Variants in PTPRD observed in about 807,000 individuals in gnomAD.
The protein encoded by PTPRD is receptor-type tyrosine-protein phosphatase delta.
A neutral mutation model predicts 214.5 loss-of-function variants in PTPRD; 34 were observed. That is an observed-to-expected ratio of 0.16 (90% CI 0.12 to 0.21). The LOEUF is 0.21. Ranked by LOEUF, PTPRD falls within the 10% of genes least tolerant of loss-of-function variation. PTPRD has a pLI of 1.00. For missense variants in PTPRD, 2,545 were observed against 2,398.7 expected, an observed-to-expected ratio of 1.06 and a Z score of -1.27; for synonymous variants, 1,128 against 845.7, an observed-to-expected ratio of 1.33 and a Z score of -5.79.
chr9:10,446,010 A>G (rs1321213924), intron 2 of PTPRD, among the ~76,000 whole-genome samples: 1 of 152,080 alleles, frequency 6.6e-6, no homozygotes, highest in Non-Finnish European at 1.5e-5. Flanking sequence ...AGAGGGCAAG[A>G]TCAAAGATTC....
At chr9:10,001,465 A>T (rs2096312367) in intron 4 of PTPRD, among the ~76,000 whole-genome samples, 1 of 152,176 alleles carries the variant, frequency 6.6e-6, no homozygotes, top group African/African-American at 2.4e-5. Flanking sequence ...GAAACATCAT[A>T]GTCAAATTAT....
intron 11 of PTPRD, among the ~76,000 whole-genome samples, chr9:8,894,346 A>G (rs1206057411): frequency 1.7e-5 from 2 of 117,780 alleles, no homozygotes; most frequent in Admixed American, 2.1e-4. Context: ...CAAGAGTGAG[A>G]CTCCATCTCA....
intron 2 of PTPRD, among the ~76,000 whole-genome samples, chr9:10,531,040 C>T (rs1312929930): frequency 6.6e-6 from 1 of 152,024 alleles, no homozygotes; most frequent in Non-Finnish European, 1.5e-5. Flanking sequence ...ACCTCCACTT[C>T]CCAGGTTCAA....
chr9:8,342,113 T>G (rs2132545307), intron 39 of PTPRD, 135 bp from the exon 40 acceptor site: 1 of 912,160 alleles, frequency 1.1e-6, no homozygotes, highest in Non-Finnish European at 1.6e-6. Flanking sequence ...GGGATGACTT[T>G]GTAATACTCT....
At chr9:9,162,827 T>G (rs2099892925) in intron 10 of PTPRD, among the ~76,000 whole-genome samples, 2 of 152,138 alleles carry the variant, frequency 1.3e-5, no homozygotes, top group Admixed American at 1.3e-4. Flanking sequence ...ACATTATTAT[T>G]TTTCCTGCAA....
intron 43 of PTPRD, 75 bp downstream of exon 43, chr9:8,338,847 C>CAGAGAGAGAG (rs4008208): frequency 0.021 from 22,874 of 1,074,442 alleles, 204 homozygotes; most frequent in African/African-American, 0.051. Context: ...GTGCTTCTCC[C>CAGAGAGAGAG]AGAGAGAGAG....
At chr9:8,718,860 T>C (rs938822759) in intron 12 of PTPRD, among the ~76,000 whole-genome samples, 2 of 152,158 alleles carry the variant, frequency 1.3e-5, no homozygotes, top group Middle Eastern at 3.2e-3. Flanking sequence ...CGATGGAGCG[T>C]AGTGTTATTT....
At chr9:9,540,933 C>T (rs1430871334) in intron 8 of PTPRD, among the ~76,000 whole-genome samples, 1 of 151,684 alleles carries the variant, frequency 6.6e-6, no homozygotes, top group Non-Finnish European at 1.5e-5. Flanking sequence ...AATAGATAAG[C>T]TAAAAGACTG....
intron 33 of PTPRD, among the ~76,000 whole-genome samples, chr9:8,451,181 C>T (rs2095932234): frequency 6.6e-6 from 1 of 152,272 alleles, no homozygotes; most frequent in South Asian, 2.1e-4. Context: ...ACATGATTTG[C>T]TCAAGTGCAG....
rs113550767 is a variant in PTPRD, at chr9:8,489,603, C to T, written c.2468-3254G>A. 3.3e-3 allele frequency among the ~76,000 whole-genome samples: 508 copies of T among 152,252 alleles called. 3 individuals are homozygous for T. Among genetic ancestry groups the T allele is most frequent in the African/African-American group, 0.012 (478 of 41,538 alleles). ...TGGCCACATGAAGGGTCACACGAAG[C>T]GATGCCTAAAATTTCCATAAGCATG... On this transcript the variant is annotated intron_variant, in intron 27 of 45. Coordinates refer to ENST00000381196, the MANE Select transcript of PTPRD (RefSeq NM_002839.4).
chr9:10,549,109 T>C (rs778939483), intron 2 of PTPRD, among the ~76,000 whole-genome samples: 8 of 152,336 alleles, frequency 5.3e-5, no homozygotes, highest in African/African-American at 7.2e-5. Context: ...CTTTGTCTTA[T>C]CAATATATGT....
At chr9:10,088,672 T>C (rs13300093) in intron 3 of PTPRD, among the ~76,000 whole-genome samples, 158 of 151,896 alleles carry the variant, frequency 1.0e-3, no homozygotes, top group Non-Finnish European at 1.9e-3. Context: ...GCAAAACTAA[T>C]CAGTCTCTCT....
At chr9:9,186,676 C>CAT (rs2099931802) in intron 9 of PTPRD, among the ~76,000 whole-genome samples, 4 of 151,672 alleles carry the variant, frequency 2.6e-5, no homozygotes, top group Non-Finnish European at 5.9e-5. Context: ...CACACACACA[C>CAT]ACACAAACAC....
At chr9:8,984,092 A>C (rs1388101572) in intron 11 of PTPRD, among the ~76,000 whole-genome samples, 1 of 152,096 alleles carries the variant, frequency 6.6e-6, no homozygotes, top group East Asian at 1.9e-4. Flanking sequence ...TAAAAACTAC[A>C]TGTGTATATT....
chr9:8,591,158 C>A (rs536280910), intron 14 of PTPRD, among the ~76,000 whole-genome samples: 3 of 152,220 alleles, frequency 2.0e-5, no homozygotes, highest in Admixed American at 2.0e-4. Flanking sequence ...CCTGGATAAC[C>A]CAGAATAATC....
At chr9:9,508,679 G>A (rs1440744030) in intron 8 of PTPRD, among the ~76,000 whole-genome samples, 2 of 151,408 alleles carry the variant, frequency 1.3e-5, no homozygotes, top group Admixed American at 6.6e-5. Context: ...GCCTCAAAAG[G>A]TATTATATGT....
At chr9:10,240,122 G>C (rs74747977) in intron 3 of PTPRD, among the ~76,000 whole-genome samples, 1 of 151,878 alleles carries the variant, frequency 6.6e-6, no homozygotes, top group East Asian at 1.9e-4. Flanking sequence ...TATACTTTTT[G>C]TATAATCGTA....
intron 4 of PTPRD, among the ~76,000 whole-genome samples, chr9:9,962,147 A>G (rs2094407372): frequency 6.6e-6 from 1 of 152,104 alleles, no homozygotes; most frequent in Non-Finnish European, 1.5e-5. Context: ...TTAAAAGAAT[A>G]CTGTTAAGCT....
intron 2 of PTPRD, among the ~76,000 whole-genome samples, chr9:10,511,896 A>G (rs1385762289): frequency 1.0e-4 from 14 of 137,512 alleles, no homozygotes; most frequent in Admixed American, 2.2e-4. Flanking sequence ...ACACACACAT[A>G]TATATACATA....
Sources: allele counts gnomAD v4.1 joint callset (sites outside exome capture counted in the v4.1 genomes callset), GRCh38; gene constraint gnomAD v4.1.1; transcripts MANE v1.5; gene names NCBI Gene and HGNC (gene_info 2026-07-23, HGNC 2026-07-21).